The following TYRO3 variants were observed in gnomAD, a reference collection of about 807,000 sequenced individuals.
The protein encoded by TYRO3 is tyrosine-protein kinase receptor TYRO3.
Under a neutral mutation model 95.2 loss-of-function variants are expected in TYRO3, and 38 were observed. The observed-to-expected ratio is 0.40, with a 90% CI of 0.31 to 0.52. TYRO3 has a LOEUF of 0.52. Ranked by LOEUF, TYRO3 falls within the 20% of genes least tolerant of loss-of-function variation. The pLI is 0.56. For synonymous variants in TYRO3, 367 were observed against 432.9 expected (o/e 0.85, Z 1.89); for missense variants, 812 against 1,116.4 (o/e 0.73, Z 3.89).
chr15:41,564,909 C>T (rs781737037), intron 5 of TYRO3, 117 bp from the exon 6 acceptor site: 40 of 681,568 alleles, frequency 5.9e-5, no homozygotes, highest in South Asian at 8.2e-5. Flanking sequence ...GCTGAGTAGC[C>T]GTCTTTAGGT....
intron 18 of TYRO3, among the ~76,000 whole-genome samples, chr15:41,574,150 T>A (rs1277155279): frequency 6.6e-6 from 1 of 152,158 alleles, no homozygotes; most frequent in African/African-American, 2.4e-5. Flanking sequence ...CGTCATTCCT[T>A]TTCTTTTTTT....
chr15:41,565,964 T>C (rs1177545329), intron 6 of TYRO3, among the ~76,000 whole-genome samples: 1 of 152,116 alleles, frequency 6.6e-6, no homozygotes, highest in Non-Finnish European at 1.5e-5. Context: ...TCAAAACTGT[T>C]CTGGGCAGTT....
At chr15:41,565,347 A>G (rs1018347748) in intron 6 of TYRO3, among the ~76,000 whole-genome samples, 5 of 152,098 alleles carry the variant, frequency 3.3e-5, no homozygotes, top group Non-Finnish European at 5.9e-5. Context: ...GCTCAAACTC[A>G]TGCATTCATA....
chr15:41,561,591 G>A lies in TYRO3; in HGVS notation c.361G>A (p.Asp121Asn), dbSNP rs768263736. The A allele has an allele frequency of 1.8e-5, 29 of 1,594,876 alleles. No individual in the cohort carries two copies. The highest frequency in any genetic ancestry group is 2.4e-5 in the Non-Finnish European group (28 of 1,172,384). ...CGGCCGGTACTGGTGCCAGGTGGAG[G>A]ATGGGGGTGAAACCGAGATCTCCCA... ...DAGRYWCQVE[D>N]GGETEISQPV... Residue 121 changes from aspartate to asparagine, a missense_variant, in exon 3 of 19, where the codon GAT becomes AAT. Transcript: ENST00000263798.
In TYRO3 at chr15:41,578,068, C is replaced by G. The variant is rs1053401988; in HGVS notation, c.2465C>G (p.Pro822Arg). 1.2e-6 allele frequency: 2 copies of G among 1,614,108 alleles called. No individual in the cohort carries two copies. The highest frequency in any genetic ancestry group is 1.7e-6 in the Non-Finnish European group (2 of 1,180,036). Residue 822 changes from proline (P) to arginine (R), a missense_variant, in exon 19 of 19, where the codon CCT becomes CGT. Pro to Arg is a moderately radical substitution (Grantham distance 103). Transcript: ENST00000263798. ...ACTGCGGGAGGCAGCCTGGAGCTAC[C>G]TGGCAGGGATCAGCCCTACAGTGGG... ...EPTAGGSLEL[P>R]GRDQPYSGAG...
intron 9 of TYRO3, among the ~76,000 whole-genome samples, chr15:41,569,324 C>T (rs1260108501): frequency 2.0e-5 from 3 of 151,318 alleles, no homozygotes; most frequent in Non-Finnish European, 4.4e-5. Flanking sequence ...AACAATTAGC[C>T]TGGTGTAGTG....
At chr15:41,576,665 TTTTTAA>T (rs1352270717) in intron 18 of TYRO3, among the ~76,000 whole-genome samples, 3 of 129,568 alleles carry the variant, frequency 2.3e-5, no homozygotes, top group African/African-American at 8.4e-5. Context: ...TTTTTTTTTT[TTTTTAA>T]AAAAAAAAAA....
At chr15:41,575,894 C>T (rs2055853917) in intron 18 of TYRO3, among the ~76,000 whole-genome samples, 1 of 151,894 alleles carries the variant, frequency 6.6e-6, no homozygotes, top group Non-Finnish European at 1.5e-5. Context: ...CTCCTGAGGT[C>T]GGGAGTTCCA....
rs1339381873 is a variant in TYRO3, at chr15:41,583,280, G to C, written c.*5004G>C. On this transcript the variant is annotated 3_prime_UTR_variant, in exon 19 of 19. Transcript: ENST00000263798. Reference sequence around the variant, plus strand: ...CAAAGTGCTGGGATTACAGGCTTCAGCCACCGCGCCCGGCCCAGTTTTTAA... The same window carrying C: ...CAAAGTGCTGGGATTACAGGCTTCACCCACCGCGCCCGGCCCAGTTTTTAA... 1 of 152,204 alleles carries C rather than the reference G, an allele frequency of 6.6e-6. No homozygotes were observed. Among genetic ancestry groups the C allele is most frequent in the African/African-American group, 2.4e-5 (1 of 41,402 alleles). 9.4% of individuals were successfully genotyped at this position (152,204 alleles called of 1,614,324 possible).
Position 41,573,774 on chromosome 15 carries a change from C to T in TYRO3, c.2241C>T (p.Gly747=), listed in dbSNP as rs577468248. 1.1e-5 allele frequency: 17 copies of T among 1,614,116 alleles called. No homozygotes were observed. The highest frequency in any genetic ancestry group is 1.3e-5 in the Non-Finnish European group (15 of 1,180,060). ...ENAEIYNYLI[G]GNRLKQPPEC... ...CTGAGATTTACAACTACCTCATTGG[C>T]GGGAACCGCCTGAAACAGCCTCCGG... The change falls in exon 18 of 19, where the codon GGC becomes GGT. Residue 747 remains glycine (G), a synonymous_variant. Coordinates refer to ENST00000263798, the MANE Select transcript of TYRO3 (RefSeq NM_006293.4).
intron 15 of TYRO3, 134 bp downstream of exon 15, chr15:41,572,698 G>A: frequency 8.4e-7 from 1 of 1,187,252 alleles, no homozygotes; most frequent in Non-Finnish European, 1.2e-6. Flanking sequence ...AGGGGTCTGA[G>A]TTTGAATCCT....
rs2055901996 is a variant in TYRO3 at position 41,579,662 on chromosome 15, C to G, written c.*1386C>G. ...ACCACACCTGGCCCCAGCTTTGTCT[C>G]TTAAATGTTTACTTTTTTTGAGATC... is the stretch of plus-strand genomic sequence containing the variant. On this transcript the variant is annotated 3_prime_UTR_variant, in exon 19 of 19. Coordinates refer to ENST00000263798, the MANE Select transcript of TYRO3 (RefSeq NM_006293.4). The G allele has an allele frequency of 6.7e-6, 1 of 150,328 alleles. No individual in the cohort carries two copies. Among genetic ancestry groups the G allele is most frequent in the Non-Finnish European group, 1.5e-5 (1 of 67,594 alleles). The allele number at this position is 150,328 out of a possible 1,614,324, so 9.3% of individuals were successfully genotyped here. A position where few individuals can be genotyped will look rare whatever the true frequency, so the allele number is the denominator to read the frequency against.
chr15:41,570,051 G>T lies in TYRO3; in HGVS notation c.1277G>T (p.Arg426Leu). 1 of 1,613,534 alleles carries T rather than the reference G, an allele frequency of 6.2e-7. No individual in the cohort carries two copies. Among genetic ancestry groups the T allele is most frequent in the Non-Finnish European group, 8.5e-7 (1 of 1,180,028 alleles). ...RAGQQGPPHS[R>L]TSWVPVVLGV... is the part of the protein sequence containing the mutation. ...GGCCAGCAGGGCCCTCCTCACAGCC[G>T]CACATCCTGGGTACCTGTGGTCCTT... The change falls in exon 10 of 19, where the codon CGC becomes CTC. Residue 426 changes from arginine (R) to leucine (L), a missense_variant. Arg to Leu is a moderately radical substitution (Grantham distance 102). Transcript: ENST00000263798.
In TYRO3 at chr15:41,578,295, C is replaced by A; in HGVS notation, c.*19C>A. 4 of 1,612,764 alleles carry A rather than the reference C, an allele frequency of 2.5e-6. No homozygotes were observed. Among genetic ancestry groups the A allele is most frequent in the Non-Finnish European group, 3.4e-6 (4 of 1,179,858 alleles). On this transcript the variant is annotated 3_prime_UTR_variant, in exon 19 of 19. Coordinates refer to ENST00000263798, the MANE Select transcript of TYRO3 (RefSeq NM_006293.4). ...CTGTTAGCCCACAGGCAGAGGGCAT[C>A]GGGGCCATTTGGCCGGCTCTGGTGG...
chr15:41,575,844 GTGGCTCACGCCCGTAA>G (rs1418593368), intron 18 of TYRO3, among the ~76,000 whole-genome samples: 1 of 152,152 alleles, frequency 6.6e-6, no homozygotes, highest in Admixed American at 6.5e-5. Context: ...GCAGGGGACG[GTGGCTCACGCCCGTAA>G]TCCCAGCGCT....
rs1364174182 is a variant in TYRO3, at chr15:41,579,810, T to C, written c.*1534T>C. The C allele has an allele frequency of 2.0e-5, 3 of 149,576 alleles. No homozygotes were observed. Among genetic ancestry groups the C allele is most frequent in the Non-Finnish European group, 4.4e-5 (3 of 67,702 alleles). The allele number at this position is 149,576 out of a possible 1,614,324, so 9.3% of individuals were successfully genotyped here. A position where few individuals can be genotyped will look rare whatever the true frequency, so the allele number is the denominator to read the frequency against. On this transcript the variant is annotated 3_prime_UTR_variant, in exon 19 of 19. Coordinates refer to ENST00000263798, the MANE Select transcript of TYRO3 (RefSeq NM_006293.4). ...TCTCACTCTGTCGCCCAGGCTGGAG[T>C]GCAATTGCGCGATCTGAGCTCACTG...
intron 18 of TYRO3, among the ~76,000 whole-genome samples, chr15:41,574,340 G>C (rs942512761): frequency 2.0e-5 from 3 of 152,064 alleles, no homozygotes; most frequent in Non-Finnish European, 4.4e-5. Context: ...CAAAGCCCTC[G>C]GGACTGGGCA....
intron 18 of TYRO3, 96 bp from the exon 19 acceptor site, chr15:41,577,790 A>C: frequency 3.1e-6 from 4 of 1,288,438 alleles, no homozygotes; most frequent in South Asian, 1.5e-5. Context: ...CCCACCAGGG[A>C]ATAAAATTTT....
chr15:41,568,861 G>A lies in TYRO3; in HGVS notation c.1108-17G>A, dbSNP rs148272463. ...TCCCCAGGCTCACTATGGGGTGGGG[G>A]CTTTTCCTGGCTGCAGGATGAGCTG... On this transcript the variant is annotated splice_polypyrimidine_tract_variant and intron_variant, in intron 8 of 18. Transcript: ENST00000263798. 19 of 1,577,052 alleles carry A rather than the reference G, an allele frequency of 1.2e-5. No individual in the cohort carries two copies. In the African/African-American group the frequency reaches 1.2e-4, roughly 10 times the overall value.
Sources: gnomAD v4.1 joint callset for allele counts (sites outside exome capture counted in the v4.1 genomes callset) on GRCh38, gnomAD v4.1.1 for gene constraint, MANE v1.5 for transcripts, NCBI Gene and HGNC (gene_info 2026-07-23, HGNC 2026-07-21) for gene names.